The following LRIG3 variants were observed in gnomAD, a reference collection of about 807,000 sequenced individuals.
LRIG3 encodes leucine rich repeats and immunoglobulin like domains 3, also known as leucine-rich repeats and immunoglobulin-like domains protein 3.
LRIG3 carries 76 observed loss-of-function variants against 114.5 expected under a neutral mutation model. That is an observed-to-expected ratio of 0.66 (90% CI 0.55 to 0.80). The LOEUF is 0.80. LRIG3 is among the 30% of genes least tolerant of loss of function. LRIG3 has a pLI of 0.00. For synonymous variants in LRIG3, 512 were observed against 519.8 expected, an observed-to-expected ratio of 0.98 and a Z score of 0.20; for missense variants, 1,239 against 1,382.8, an observed-to-expected ratio of 0.90 and a Z score of 1.65.
chr12:58,880,157 A>C (rs566616094), intron 13 of LRIG3, among the ~76,000 whole-genome samples: 4 of 152,016 alleles, frequency 2.6e-5, no homozygotes, highest in Non-Finnish European at 5.9e-5. Context: ...TTGGCCGGGC[A>C]TGGTGGCGCA....
At chr12:58,897,506 A>G (rs1232059972) in intron 3 of LRIG3, among the ~76,000 whole-genome samples, 2 of 152,210 alleles carry the variant, frequency 1.3e-5, no homozygotes, top group Non-Finnish European at 2.9e-5. Flanking sequence ...GCTATTTGGA[A>G]GGCTGAGGTG....
At chr12:58,917,948 C>A (rs1394613616) in intron 1 of LRIG3, among the ~76,000 whole-genome samples, 2 of 152,166 alleles carry the variant, frequency 1.3e-5, no homozygotes, top group Non-Finnish European at 2.9e-5. Flanking sequence ...AAACTCAATT[C>A]CACGTGTTTT....
At chr12:58,875,133 A>G (rs1209619804) in intron 16 of LRIG3, among the ~76,000 whole-genome samples, 1 of 152,212 alleles carries the variant, frequency 6.6e-6, no homozygotes, top group Non-Finnish European at 1.5e-5. Context: ...AAAAGCAAAT[A>G]TGCAGAACGT....
intron 3 of LRIG3, among the ~76,000 whole-genome samples, chr12:58,897,534 C>T (rs1405056208): frequency 6.6e-6 from 1 of 152,098 alleles, no homozygotes; most frequent in Admixed American, 6.6e-5. Flanking sequence ...TACTTAAGGC[C>T]AGGAGTTCAA....
chr12:58,899,608 T>C (rs1364301925), intron 3 of LRIG3, among the ~76,000 whole-genome samples: 5 of 152,210 alleles, frequency 3.3e-5, no homozygotes, highest in Non-Finnish European at 7.3e-5. Flanking sequence ...TCTCCAAAGA[T>C]ATTAAATTTG....
chr12:58,909,247 G>A (rs1358308020), intron 3 of LRIG3, among the ~76,000 whole-genome samples: 1 of 152,138 alleles, frequency 6.6e-6, no homozygotes, highest in African/African-American at 2.4e-5. Flanking sequence ...CAGCTATAGA[G>A]GGCAGGGATT....
chr12:58,890,734 G>A lies in LRIG3; in HGVS notation c.446C>T (p.Thr149Ile). ...AATATTGTTGCTGCTAAGGTCCAAA[G>A]TTTCAAGGGACTGAAACTCTTTCAG... ...EHLKEFQSLE[T>I]LDLSSNNISE... Residue 149 changes from threonine to isoleucine, a missense_variant, in exon 4 of 19, where the codon ACT (threonine) becomes ATT (isoleucine). Physicochemically the swap from Thr to Ile is moderately conservative, Grantham distance 89. Coordinates refer to ENST00000320743, the MANE Select transcript of LRIG3 (RefSeq NM_153377.5). 1 of 1,606,590 alleles carries A rather than the reference G, an allele frequency of 6.2e-7. No individual in the cohort carries two copies. The highest frequency in any genetic ancestry group is 8.5e-7 in the Non-Finnish European group (1 of 1,177,036).
At chr12:58,912,460 C>G (rs568937355) in intron 3 of LRIG3, among the ~76,000 whole-genome samples, 1 of 152,116 alleles carries the variant, frequency 6.6e-6, no homozygotes, top group African/African-American at 2.4e-5. Flanking sequence ...CGTGCCACTG[C>G]ACTCCAGCCT....
intron 9 of LRIG3, among the ~76,000 whole-genome samples, chr12:58,886,193 T>C (rs964720089): frequency 3.3e-5 from 5 of 152,106 alleles, no homozygotes; most frequent in Non-Finnish European, 5.9e-5. Flanking sequence ...AGAGACTTTA[T>C]TTCAAGTAAA....
intron 3 of LRIG3, among the ~76,000 whole-genome samples, chr12:58,899,480 C>T (rs1871764737): frequency 6.6e-6 from 1 of 151,986 alleles, no homozygotes; most frequent in African/African-American, 2.4e-5. Context: ...TTTCTCCCAA[C>T]ATTTTTATTA....
At chr12:58,877,939 T>A in intron 14 of LRIG3, 87 bp from the exon 15 acceptor site, 1 of 1,324,756 alleles carries the variant, frequency 7.5e-7, no homozygotes, top group Non-Finnish European at 1.0e-6. Flanking sequence ...ATTCAAATTG[T>A]AACCTAAAAT....
intron 3 of LRIG3, among the ~76,000 whole-genome samples, chr12:58,891,297 G>T (rs1169587188): frequency 6.6e-6 from 1 of 151,778 alleles, no homozygotes; most frequent in Non-Finnish European, 1.5e-5. Flanking sequence ...TATACAGTCG[G>T]GGGGTCTCAC....
chr12:58,872,563 T>A lies in LRIG3; in HGVS notation c.*9A>T, dbSNP rs758609811. On this transcript the variant is annotated 3_prime_UTR_variant, in exon 19 of 19. Transcript: ENST00000320743. ...AGTATGTTAAGCTTTTCCTTTGGTC[T>A]CATTCAGTCTATGTGTCCAAGTCAT... 19 of 1,594,360 alleles carry A rather than the reference T, an allele frequency of 1.2e-5. No homozygotes were observed. The highest frequency in any genetic ancestry group is 1.5e-5 in the Non-Finnish European group (17 of 1,168,584).
chr12:58,889,527 A>AT (rs5798474), intron 5 of LRIG3, among the ~76,000 whole-genome samples: 2 of 151,806 alleles, frequency 1.3e-5, no homozygotes, highest in African/African-American at 4.8e-5. Flanking sequence ...GGGCAGTGAG[A>AT]TTTTTTAAAA....
At chr12:58,873,849 A>T in intron 18 of LRIG3, 2 of 616,098 alleles carry the variant, frequency 3.2e-6, no homozygotes, top group Non-Finnish European at 5.7e-6. Flanking sequence ...CCTGAGGCTT[A>T]GTTATAGATT....
In LRIG3 at chr12:58,879,002, G is replaced by C. The variant is rs1871027717; in HGVS notation, c.1905C>G (p.Ala635=). The C allele has an allele frequency of 1.2e-6, 2 of 1,614,186 alleles. No homozygotes were observed. Among genetic ancestry groups the C allele is most frequent in the Non-Finnish European group, 1.7e-6 (2 of 1,180,032 alleles). ...AAVGHPAPQI[A]WQKDGGTDFP... is the part of the protein sequence containing the mutation. Reference sequence around the variant, plus strand: ...AGTCTGTGCCCCCATCCTTCTGCCAGGCTATCTGGGGGGCTGGGTGCCCCA... The same window carrying C: ...AGTCTGTGCCCCCATCCTTCTGCCACGCTATCTGGGGGGCTGGGTGCCCCA... The change falls in exon 14 of 19, where the codon GCC becomes GCG. Residue 635 remains alanine, a synonymous_variant. Transcript: ENST00000320743.
intron 10 of LRIG3, 49 bp from the exon 11 acceptor site, chr12:58,883,640 G>A (rs1019672264): frequency 7.0e-6 from 10 of 1,424,578 alleles, no homozygotes; most frequent in African/African-American, 2.8e-5. Flanking sequence ...CCATCATTTC[G>A]TGCTTTTGGA....
At chr12:58,912,202 GTAAAACACTA>G (rs1320293199) in intron 3 of LRIG3, among the ~76,000 whole-genome samples, 1 of 152,182 alleles carries the variant, frequency 6.6e-6, no homozygotes, top group Non-Finnish European at 1.5e-5. Flanking sequence ...ACGTTAAAGT[GTAAAACACTA>G]GGGGCTGGGC....
At position 58,914,063 on chromosome 12, in the gene LRIG3, A is replaced by G. The variant is rs1212063285; in HGVS notation, c.309-7T>C. 6.3e-7 allele frequency: 1 copy of G among 1,594,082 alleles called. No homozygotes were observed. The stretch of plus-strand genomic sequence containing the variant: ...TTCATTGTTGTTCAGTTTCCTACAA[A>G]TGCCAAAAAAAAAAAGAAAAAGAAA... On this transcript the variant is annotated splice_region_variant and splice_polypyrimidine_tract_variant and intron_variant, in intron 2 of 18. Coordinates refer to ENST00000320743, the MANE Select transcript of LRIG3 (RefSeq NM_153377.5).
Sources: gnomAD v4.1 joint callset for allele counts (sites outside exome capture counted in the v4.1 genomes callset) on GRCh38, gnomAD v4.1.1 for gene constraint, MANE v1.5 for transcripts, NCBI Gene and HGNC (gene_info 2026-07-23, HGNC 2026-07-21) for gene names.